FIP1L1: variants seen among roughly 807,000 people sequenced by gnomAD.
The protein encoded by FIP1L1 is pre-mRNA 3'-end-processing factor FIP1.
In FIP1L1, 21 loss-of-function variants were observed where a neutral mutation model predicts 84.6. The observed-to-expected ratio is 0.25, with a 90% CI of 0.18 to 0.36. FIP1L1 has a LOEUF of 0.36. Ranked by LOEUF, FIP1L1 falls within the 10% of genes least tolerant of loss-of-function variation. The probability of loss-of-function intolerance (pLI) is 1.00; values close to 1 mark genes in which losing one functional copy is unlikely to be tolerated. For missense variants in FIP1L1, 526 were observed against 751.1 expected (o/e 0.70, Z 3.50); for synonymous variants, 263 against 242.3 (o/e 1.09, Z -0.80).
chr4:53,418,889 C>T (rs1760978221), intron 11 of FIP1L1, among the ~76,000 whole-genome samples: 2 of 152,194 alleles, frequency 1.3e-5, no homozygotes, highest in Non-Finnish European at 2.9e-5. Context: ...CTGACTATCT[C>T]CTTTTATGTC....
chr4:53,458,832 G>C lies in FIP1L1; in HGVS notation c.1637+42G>C, dbSNP rs746686109. 17 of 1,583,260 alleles carry C rather than the reference G, an allele frequency of 1.1e-5. No homozygotes were observed. In the South Asian group the frequency reaches 1.7e-4, roughly 16 times the overall value. ...AATAGTGAACCAATAGTATGTGAGA[G>C]ATTTTGACTTACTACATTGTCGCAT... On this transcript the variant is annotated intron_variant, in intron 17 of 17. Transcript: ENST00000337488.
At chr4:53,425,175 T>C (rs1351036057) in intron 11 of FIP1L1, among the ~76,000 whole-genome samples, 1 of 152,162 alleles carries the variant, frequency 6.6e-6, no homozygotes, top group Non-Finnish European at 1.5e-5. Flanking sequence ...TTTTGTAAAG[T>C]CCTTTATCTG....
intron 5 of FIP1L1, 119 bp downstream of exon 5, chr4:53,383,995 AAG>A: frequency 1.0e-6 from 1 of 967,728 alleles, no homozygotes; most frequent in Non-Finnish European, 1.5e-6. Context: ...TTTAACATAA[AAG>A]AACTTGTTAA....
chr4:53,460,820 A>AAT lies in FIP1L1; in HGVS notation c.*1375_*1376dup. 7.9e-7 allele frequency: 1 copy of AAT among 1,269,632 alleles called. No homozygotes were observed. The highest frequency in any genetic ancestry group is 1.1e-6 in the Non-Finnish European group (1 of 911,388). The allele number at this position is 1,269,632 out of a possible 1,614,324, so 78.6% of individuals were successfully genotyped here. ...ATTTTTACAATGTATTCTTTCTTTA[A>AAT]ATATAAAAACTGACAAGATAAATAT... On this transcript the variant is annotated 3_prime_UTR_variant, in exon 18 of 18. Transcript: ENST00000337488.
chr4:53,385,474 A>G (rs1327171038), intron 5 of FIP1L1, among the ~76,000 whole-genome samples: 1 of 152,220 alleles, frequency 6.6e-6, no homozygotes, highest in Admixed American at 6.5e-5. Flanking sequence ...TCAGATTTCT[A>G]TAGAGTAGAA....
At chr4:53,412,623 A>G (rs575621324) in intron 10 of FIP1L1, among the ~76,000 whole-genome samples, 1 of 152,122 alleles carries the variant, frequency 6.6e-6, no homozygotes, top group Admixed American at 6.5e-5. Context: ...TATGTAAGTG[A>G]TGATGTACCC....
In FIP1L1 at chr4:53,442,468, T is replaced by TA. The variant is rs1468399263; in HGVS notation, c.1175-182dup. The TA allele has an allele frequency of 1.3e-5, 7 of 553,996 alleles. No homozygotes were observed. In the Admixed American group the frequency reaches 1.3e-4, roughly 11 times the overall value. The allele number at this position is 553,996 out of a possible 1,614,324, so 34.3% of individuals were successfully genotyped here. A position where few individuals can be genotyped will look rare whatever the true frequency, so the allele number is the denominator to read the frequency against. On this transcript the variant is annotated intron_variant, in intron 13 of 17. Transcript: ENST00000337488. ...TGTGTATTAGACCAGACTGCTTACTTAAAGTTTTATTGCGCTAAAAATCTG... is the reference window on the plus strand; with the variant it reads ...TGTGTATTAGACCAGACTGCTTACTTAAAAGTTTTATTGCGCTAAAAATCTG...
chr4:53,440,354 G>C (rs1291959960), intron 13 of FIP1L1, among the ~76,000 whole-genome samples: 1 of 151,920 alleles, frequency 6.6e-6, no homozygotes, highest in East Asian at 1.9e-4. Context: ...GATTACTAGT[G>C]GGGGAAACCT....
intron 10 of FIP1L1, among the ~76,000 whole-genome samples, chr4:53,403,746 G>C (rs1751514565): frequency 6.6e-6 from 1 of 152,192 alleles, no homozygotes; most frequent in Non-Finnish European, 1.5e-5. Context: ...CATTGTTGTG[G>C]AGGAGTATTG....
At chr4:53,382,451 C>T in intron 4 of FIP1L1, 116 bp downstream of exon 4, 5 of 718,772 alleles carry the variant, frequency 7.0e-6, no homozygotes, top group Non-Finnish European at 9.7e-6. Context: ...TGTTATCTGG[C>T]CCTTTCTTAC....
intron 11 of FIP1L1, among the ~76,000 whole-genome samples, chr4:53,420,815 AAT>A (rs1762114748): frequency 6.6e-6 from 1 of 152,154 alleles, no homozygotes; most frequent in Non-Finnish European, 1.5e-5. Flanking sequence ...TCTGTAGAAA[AAT>A]ATGTAATCAA....
At chr4:53,390,687 T>A (rs1477801852) in intron 7 of FIP1L1, 59 bp downstream of exon 7, 1 of 1,180,850 alleles carries the variant, frequency 8.5e-7, no homozygotes, top group Non-Finnish European at 1.2e-6. Context: ...CATCAGAAAA[T>A]TTTTTTGAAC....
intron 9 of FIP1L1, among the ~76,000 whole-genome samples, chr4:53,396,876 T>C (rs1435616562): frequency 6.6e-6 from 1 of 151,944 alleles, no homozygotes; most frequent in Non-Finnish European, 1.5e-5. Flanking sequence ...CTCCCTGTTG[T>C]GCAAAGCCAA....
At chr4:53,388,014 C>T (rs2149347027) in intron 5 of FIP1L1, among the ~76,000 whole-genome samples, 1 of 152,302 alleles carries the variant, frequency 6.6e-6, no homozygotes, top group East Asian at 1.9e-4. Context: ...GATAGTACTG[C>T]TTGACAGTAG....
intron 13 of FIP1L1, among the ~76,000 whole-genome samples, chr4:53,434,651 A>G (rs770270477): frequency 6.5e-4 from 99 of 152,060 alleles, no homozygotes; most frequent in Non-Finnish European, 1.2e-3. Flanking sequence ...TTGTAATTTT[A>G]GAGATGGGGT....
rs1721625034 is a variant in FIP1L1 at position 53,460,202 on chromosome 4, C to G, written c.*753C>G. On this transcript the variant is annotated 3_prime_UTR_variant, in exon 18 of 18. Transcript: ENST00000337488. ...TTCTTGATGCATTTTCCAAGGCCCA[C>G]TGGTGGAGCAGCATGAGTTTTTATA... is the stretch of plus-strand genomic sequence containing the variant. 1 of 195,894 alleles carries G rather than the reference C, an allele frequency of 5.1e-6. No individual in the cohort carries two copies. Among genetic ancestry groups the G allele is most frequent in the Non-Finnish European group, 1.1e-5 (1 of 94,418 alleles). 12.1% of individuals were successfully genotyped at this position (195,894 alleles called of 1,614,324 possible).
At chr4:53,436,586 C>A (rs1482641068) in intron 13 of FIP1L1, among the ~76,000 whole-genome samples, 1 of 152,104 alleles carries the variant, frequency 6.6e-6, no homozygotes, top group African/African-American at 2.4e-5. Flanking sequence ...GTCCAGCCCC[C>A]ACACAGGACA....
At chr4:53,382,712 A>C (rs1738745671) in intron 4 of FIP1L1, among the ~76,000 whole-genome samples, 1 of 152,232 alleles carries the variant, frequency 6.6e-6, no homozygotes, top group Admixed American at 6.5e-5. Flanking sequence ...CCCTGACTGC[A>C]TGCCTGCATG....
chr4:53,409,964 C>T (rs568075240), intron 10 of FIP1L1, among the ~76,000 whole-genome samples: 1 of 152,254 alleles, frequency 6.6e-6, no homozygotes, highest in South Asian at 2.1e-4. Context: ...ATGCCTTGCC[C>T]TGCTTTGGCT....
Sources: allele counts gnomAD v4.1 joint callset (sites outside exome capture counted in the v4.1 genomes callset), GRCh38; gene constraint gnomAD v4.1.1; transcripts MANE v1.5; gene names NCBI Gene and HGNC (gene_info 2026-07-23, HGNC 2026-07-21).